Variants in GRM5 observed in about 807,000 individuals in gnomAD.
GRM5 encodes metabotropic glutamate receptor 5.
GRM5 carries 19 observed loss-of-function variants against 83.1 expected under a neutral mutation model. That is an observed-to-expected ratio of 0.23 (90% CI 0.16 to 0.34). The LOEUF (loss-of-function observed/expected upper bound fraction) is 0.34. GRM5 is among the 10% of genes least tolerant of loss of function. GRM5 has a pLI of 1.00. For missense variants in GRM5, 1,160 were observed against 1,588.3 expected (o/e 0.73, Z 4.58); for synonymous variants, 675 against 633.6 (o/e 1.07, Z -0.98).
At chr11:88,717,760 A>C (rs1941430777) in intron 3 of GRM5, among the ~76,000 whole-genome samples, 1 of 151,900 alleles carries the variant, frequency 6.6e-6, no homozygotes. Flanking sequence ...AAAATACTTC[A>C]AGGAAATACA....
chr11:88,885,450 G>GGTTTTTTTTTTTTTTTTTT lies in GRM5; in HGVS notation c.662-35296_662-35295insAAAAAAAAAAAAAAAAAAC, dbSNP rs1945027301. On this transcript the variant is annotated intron_variant, in intron 2 of 9. Transcript: ENST00000305447. ...TTCTGAATTCTATAGTAGGTACCAT[G>GGTTTTTTTTTTTTTTTTTT]TTTTTTTTTTTTTTTTTTTTTTTTT... Among the ~76,000 whole-genome samples the GGTTTTTTTTTTTTTTTTTT allele has an allele frequency of 6.2e-4, 39 of 62,666 alleles. 17 individuals carry two copies. The highest frequency in any genetic ancestry group is 4.2e-4 in the African/African-American group (7 of 16,858). 41.1% of individuals were successfully genotyped at this position (62,666 alleles called of 152,430 possible). A position where few individuals can be genotyped will look rare whatever the true frequency, so the allele number is the denominator to read the frequency against.
At chr11:88,656,975 T>C (rs1398998298) in intron 3 of GRM5, among the ~76,000 whole-genome samples, 1 of 152,088 alleles carries the variant, frequency 6.6e-6, no homozygotes, top group African/African-American at 2.4e-5. Context: ...GAGGAGGAAG[T>C]GTCCTGGAGC....
At chr11:88,815,668 CAAAG>C (rs1413921415) in intron 3 of GRM5, among the ~76,000 whole-genome samples, 1 of 152,080 alleles carries the variant, frequency 6.6e-6, no homozygotes, top group Non-Finnish European at 1.5e-5. Flanking sequence ...ATAGAGGAAA[CAAAG>C]AAAGAGGCGA....
At chr11:88,664,269 T>C (rs535091785) in intron 3 of GRM5, among the ~76,000 whole-genome samples, 1 of 152,154 alleles carries the variant, frequency 6.6e-6, no homozygotes, top group East Asian at 1.9e-4. Context: ...ATATATACAG[T>C]TGGCCCTCCA....
At chr11:88,600,296 C>T (rs1937945114) in intron 5 of GRM5, among the ~76,000 whole-genome samples, 1 of 146,622 alleles carries the variant, frequency 6.8e-6, no homozygotes, top group Non-Finnish European at 1.5e-5. Flanking sequence ...CTCCCCCACC[C>T]CTTCCCCCTC....
chr11:88,568,134 T>C (rs1012455767), intron 7 of GRM5, 142 bp from the exon 8 acceptor site: 3 of 604,854 alleles, frequency 5.0e-6, no homozygotes, highest in Admixed American at 2.9e-5. Flanking sequence ...CTGCTACTTA[T>C]TGTTTCATGT....
chr11:88,898,005 T>G (rs1475882676), intron 2 of GRM5, among the ~76,000 whole-genome samples: 6 of 152,000 alleles, frequency 3.9e-5, no homozygotes, highest in African/African-American at 1.4e-4. Flanking sequence ...ACAGAAATAC[T>G]GTCTCACAGT....
intron 7 of GRM5, among the ~76,000 whole-genome samples, chr11:88,588,525 C>T (rs1044121525): frequency 6.6e-6 from 1 of 152,052 alleles, no homozygotes; most frequent in Non-Finnish European, 1.5e-5. Flanking sequence ...ATGAGAACAC[C>T]TCTTCTGACA....
rs373263321 is a variant in GRM5, at chr11:88,567,090, G to C, written c.2593C>G (p.Leu865Val). 1 of 1,613,730 alleles carries C rather than the reference G, an allele frequency of 6.2e-7. No individual in the cohort carries two copies. Among genetic ancestry groups the C allele is most frequent in the Non-Finnish European group, 8.5e-7 (1 of 1,179,758 alleles). Reference sequence around the variant, plus strand: ...CCAGAGGAGCCCCTTCTCTTCCACAGGTTGACTAGGCTGCTGGATCTGCTG... The same window carrying C: ...CCAGAGGAGCCCCTTCTCTTCCACACGTTGACTAGGCTGCTGGATCTGCTG... ...AASRSSSLVN[L>V]WKRRGSSGET... The change falls in exon 8 of 10, where the codon CTG becomes GTG. Residue 865 changes from leucine to valine, a missense_variant. Leu to Val is a conservative substitution (Grantham distance 32). Coordinates refer to ENST00000305447, the MANE Select transcript of GRM5 (RefSeq NM_001143831.3). This position sits in a 1 kb window ranked among gnomAD's most constrained non-coding sequence, Gnocchi z 7.3.
At chr11:88,867,389 T>C (rs1198105256) in intron 2 of GRM5, among the ~76,000 whole-genome samples, 1 of 151,820 alleles carries the variant, frequency 6.6e-6, no homozygotes, top group African/African-American at 2.4e-5. Context: ...GAAACAACAG[T>C]AACTTGAAAG....
intron 2 of GRM5, among the ~76,000 whole-genome samples, chr11:88,936,435 T>C (rs1467585486): frequency 2.0e-5 from 3 of 151,902 alleles, no homozygotes; most frequent in South Asian, 4.1e-4. Flanking sequence ...AAGATTTATC[T>C]GGGTCATCAA....
intron 2 of GRM5, 56 bp from the exon 3 acceptor site, chr11:88,850,211 T>A: frequency 1.3e-6 from 1 of 753,926 alleles, no homozygotes; most frequent in Non-Finnish European, 2.3e-6. Flanking sequence ...TTGCATTAAT[T>A]GGGTATAATC....
At position 88,769,222 on chromosome 11, in the gene GRM5, G is replaced by A. The variant is rs142621693; in HGVS notation, c.911+80684C>T. ...GGGAATTTGTGGATTGGCATGGTGA[G>A]GAGATGAGATTGATCCATATGGTAA... On this transcript the variant is annotated intron_variant, in intron 3 of 9. Coordinates refer to ENST00000305447, the MANE Select transcript of GRM5 (RefSeq NM_001143831.3). Among the ~76,000 whole-genome samples the A allele has an allele frequency of 8.5e-3, 1,291 of 152,156 alleles. 7 individuals are homozygous for A. Among genetic ancestry groups the A allele is most frequent in the Middle Eastern group, 0.031 (9 of 294 alleles).
chr11:88,580,766 T>C (rs866856700), intron 7 of GRM5, among the ~76,000 whole-genome samples: 4 of 152,218 alleles, frequency 2.6e-5, no homozygotes, highest in South Asian at 2.1e-4. Flanking sequence ...CAAATAAAAA[T>C]TGTCTACTCT....
intron 3 of GRM5, among the ~76,000 whole-genome samples, chr11:88,673,690 C>T (rs1053866257): frequency 6.6e-6 from 1 of 151,776 alleles, no homozygotes; most frequent in Non-Finnish European, 1.5e-5. Flanking sequence ...AATGGTTTAA[C>T]TGTACTGGCT....
At chr11:88,911,573 T>C (rs1202775327) in intron 2 of GRM5, among the ~76,000 whole-genome samples, 1 of 152,170 alleles carries the variant, frequency 6.6e-6, no homozygotes, top group African/African-American at 2.4e-5. Flanking sequence ...TAGCATAGTG[T>C]ATAGAAAACA....
At chr11:88,839,682 T>C (rs1183671825) in intron 3 of GRM5, among the ~76,000 whole-genome samples, 1 of 152,202 alleles carries the variant, frequency 6.6e-6, no homozygotes. Context: ...TCCCTTAAAA[T>C]ATACAGTTGA....
intron 2 of GRM5, among the ~76,000 whole-genome samples, chr11:88,947,075 C>T (rs1938304673): frequency 1.3e-5 from 2 of 151,802 alleles, no homozygotes; most frequent in Non-Finnish European, 2.9e-5. Context: ...ATTTTTTAAA[C>T]AAAGAACTAG....
intron 2 of GRM5, among the ~76,000 whole-genome samples, chr11:89,007,445 TAATC>T (rs900562323): frequency 2.0e-5 from 3 of 152,218 alleles, no homozygotes; most frequent in Non-Finnish European, 4.4e-5. Context: ...ACATTATTAA[TAATC>T]AATCAACAAG....
Sources: gnomAD v4.1 joint callset for allele counts (sites outside exome capture counted in the v4.1 genomes callset) on GRCh38, gnomAD v4.1.1 for gene constraint, Gnocchi (gnomAD v3.1) non-coding constraint, MANE v1.5 for transcripts, NCBI Gene and HGNC (gene_info 2026-07-23, HGNC 2026-07-21) for gene names.